The following MEI4 variants were observed in gnomAD, a reference collection of about 807,000 sequenced individuals.
MEI4 encodes meiosis-specific protein MEI4.
Under a neutral mutation model 31.4 loss-of-function variants are expected in MEI4, and 27 were observed. The ratio of observed to expected loss-of-function variants is 0.86; its 90% CI spans 0.63 to 1.19. The LOEUF is 1.19. MEI4 is among the 50% of genes most tolerant of loss of function. MEI4 has a pLI of 0.00. For synonymous variants in MEI4, 122 were observed against 145.4 expected (o/e 0.84, Z 1.16); for missense variants, 329 against 398.9 (o/e 0.82, Z 1.49).
intron 4 of MEI4, among the ~76,000 whole-genome samples, chr6:77,836,316 T>C (rs1770218420): frequency 6.6e-6 from 1 of 152,300 alleles, no homozygotes; most frequent in Non-Finnish European, 1.5e-5. Flanking sequence ...GGAATATTGA[T>C]AAGCACAGGT....
intron 2 of MEI4, among the ~76,000 whole-genome samples, chr6:77,706,277 C>T (rs1766331909): frequency 6.6e-6 from 1 of 152,158 alleles, no homozygotes; most frequent in African/African-American, 2.4e-5. Flanking sequence ...ATAAGACACT[C>T]ATTTCAGAAG....
chr6:77,818,021 C>G (rs962772718), intron 3 of MEI4, among the ~76,000 whole-genome samples: 5 of 152,176 alleles, frequency 3.3e-5, no homozygotes, highest in East Asian at 1.9e-4. Flanking sequence ...GCAAACCTAC[C>G]AATTAGAATC....
intron 4 of MEI4, among the ~76,000 whole-genome samples, chr6:77,918,201 T>C (rs1459565426): frequency 6.6e-6 from 1 of 152,054 alleles, no homozygotes; most frequent in African/African-American, 2.4e-5. Context: ...TCAGGTAGTA[T>C]GATGGCTCCA....
chr6:77,804,492 A>T (rs1348058674), intron 3 of MEI4, among the ~76,000 whole-genome samples: 1 of 152,176 alleles, frequency 6.6e-6, no homozygotes, highest in African/African-American at 2.4e-5. Context: ...CGCCAGTGAG[A>T]TGAACCTGGT....
chr6:77,729,887 G>C lies in MEI4; in HGVS notation c.233-31243G>C, dbSNP rs144072232. ...GCATCTGATTTTCAATAAAGAAAGT[G>C]AAGTAGATGCATGGTAGAAATGAAT... On this transcript the variant is annotated intron_variant, in intron 2 of 4. Coordinates refer to ENST00000684080, the MANE Select transcript of MEI4 (RefSeq NM_001322247.2). 2.0e-5 allele frequency among the ~76,000 whole-genome samples: 3 copies of C among 152,268 alleles called. No homozygotes were observed. In the East Asian group the frequency reaches 5.8e-4, roughly 29 times the overall value.
chr6:77,754,179 C>T (rs1767855512), intron 2 of MEI4, among the ~76,000 whole-genome samples: 1 of 152,022 alleles, frequency 6.6e-6, no homozygotes, highest in Admixed American at 6.6e-5. Context: ...TGCAGCAAAC[C>T]ACCATGGCAT....
At chr6:77,909,293 A>G (rs1251687467) in intron 4 of MEI4, among the ~76,000 whole-genome samples, 1 of 152,104 alleles carries the variant, frequency 6.6e-6, no homozygotes, top group African/African-American at 2.4e-5. Context: ...AAGATCAACA[A>G]AACTGATAGA....
intron 4 of MEI4, among the ~76,000 whole-genome samples, chr6:77,866,177 G>A (rs950344981): frequency 5.3e-5 from 8 of 152,060 alleles, no homozygotes; most frequent in South Asian, 2.1e-4. Context: ...CACAAGACAG[G>A]GATGCCCTCT....
intron 3 of MEI4, among the ~76,000 whole-genome samples, chr6:77,817,250 G>T (rs1412646655): frequency 6.6e-6 from 1 of 152,114 alleles, no homozygotes; most frequent in Admixed American, 6.6e-5. Flanking sequence ...GGTTGAACTT[G>T]TTCTTCACAG....
chr6:77,825,051 C>G (rs1397156122), intron 3 of MEI4, among the ~76,000 whole-genome samples: 1 of 151,962 alleles, frequency 6.6e-6, no homozygotes, highest in Non-Finnish European at 1.5e-5. Flanking sequence ...CAGTTGTGAG[C>G]TTGTGGCACT....
chr6:77,766,326 T>C lies in MEI4; in HGVS notation c.768+4661T>C, dbSNP rs561933640. ...TGGTGATTCCCTCTAGTACTGTCGT[T>C]TTTGCTTCAATCACAGTGATTTTTG... On this transcript the variant is annotated intron_variant, in intron 3 of 4. Coordinates refer to ENST00000684080, the MANE Select transcript of MEI4 (RefSeq NM_001322247.2). 6.0e-5 allele frequency among the ~76,000 whole-genome samples: 9 copies of C among 150,912 alleles called. No homozygotes were observed. In the South Asian group the frequency reaches 1.8e-3, roughly 30 times the overall value.
intron 4 of MEI4, among the ~76,000 whole-genome samples, chr6:77,832,781 C>T (rs759497318): frequency 6.6e-6 from 1 of 152,032 alleles, no homozygotes; most frequent in Non-Finnish European, 1.5e-5. Context: ...ATTGACTAAC[C>T]ATGTCAGTTA....
At chr6:77,907,555 G>A (rs1766325562) in intron 4 of MEI4, among the ~76,000 whole-genome samples, 1 of 152,102 alleles carries the variant, frequency 6.6e-6, no homozygotes, top group Non-Finnish European at 1.5e-5. Context: ...CATTTGGCGT[G>A]GTTCCAAGTC....
At chr6:77,798,375 TAAA>T (rs1769141982) in intron 3 of MEI4, among the ~76,000 whole-genome samples, 1 of 151,326 alleles carries the variant, frequency 6.6e-6, no homozygotes, top group African/African-American at 2.4e-5. Context: ...TATTAATAAT[TAAA>T]ATAAATATGA....
chr6:77,689,811 C>T (rs1192228992), intron 1 of MEI4, among the ~76,000 whole-genome samples: 1 of 152,018 alleles, frequency 6.6e-6, no homozygotes, highest in Non-Finnish European at 1.5e-5. Flanking sequence ...TATTCTGGGT[C>T]ATCTTACTTT....
At chr6:77,793,095 G>T (rs1333617974) in intron 3 of MEI4, among the ~76,000 whole-genome samples, 1 of 152,050 alleles carries the variant, frequency 6.6e-6, no homozygotes, top group Non-Finnish European at 1.5e-5. Flanking sequence ...TGACCATAGT[G>T]CATGGATTTT....
intron 4 of MEI4, among the ~76,000 whole-genome samples, chr6:77,838,936 G>A (rs971147212): frequency 1.3e-5 from 2 of 151,636 alleles, no homozygotes; most frequent in Non-Finnish European, 2.9e-5. Flanking sequence ...TGAGAACCCT[G>A]AAATATAAAA....
intron 4 of MEI4, among the ~76,000 whole-genome samples, chr6:77,914,694 A>AGTATT (rs1302803095): frequency 6.6e-6 from 1 of 152,090 alleles, no homozygotes; most frequent in Non-Finnish European, 1.5e-5. Flanking sequence ...CAACTATTAG[A>AGTATT]GTATTGTAAC....
chr6:77,919,144 G>A (rs1157880975), intron 4 of MEI4, among the ~76,000 whole-genome samples: 35 of 151,756 alleles, frequency 2.3e-4, no homozygotes, highest in Admixed American at 7.2e-4. Context: ...TGCACCAAGC[G>A]GACCTAATAG....
Sources: gnomAD v4.1 joint callset for allele counts (sites outside exome capture counted in the v4.1 genomes callset) on GRCh38, gnomAD v4.1.1 for gene constraint, MANE v1.5 for transcripts, NCBI Gene and HGNC (gene_info 2026-07-23, HGNC 2026-07-21) for gene names.